Variants in RNF223 observed in about 807,000 individuals in gnomAD.
The protein encoded by RNF223 is ring finger protein 223.
A neutral mutation model predicts 13.9 loss-of-function variants in RNF223; 10 were observed. The ratio of observed to expected loss-of-function variants is 0.72; its 90% CI spans 0.44 to 1.22. RNF223 has a LOEUF of 1.22. Ranked by LOEUF, RNF223 falls within the 50% of genes most tolerant of loss-of-function variation. RNF223 has a pLI of 0.00. For synonymous variants in RNF223, 168 were observed against 173.3 expected (o/e 0.97, Z 0.24); for missense variants, 379 against 380.0 (o/e 1.00, Z 0.02).
intron 1 of RNF223, among the ~76,000 whole-genome samples, chr1:1,073,199 G>A (rs1645655422): frequency 6.6e-6 from 1 of 152,256 alleles, no homozygotes; most frequent in Non-Finnish European, 1.5e-5. Context: ...AGGCAGCTAT[G>A]TGAGGGTGGG....
chr1:1,072,038 G>A lies in RNF223; in HGVS notation c.529C>T (p.Pro177Ser). ...GCCAGGCGGCCCCGGCGGGGGGCAG[G>A]GTCCCGGGCGGGCGCGGGCGGCTCG... is the stretch of plus-strand genomic sequence containing the variant. ...PAEPPAPARD[P>S]APRRGRLARC... is the part of the protein sequence containing the mutation. The change falls in exon 2 of 2, where the codon CCT becomes TCT. Residue 177 changes from proline (P) to serine (S), a missense_variant. Transcript: ENST00000453464. 6.7e-7 allele frequency: 1 copy of A among 1,484,342 alleles called. No individual in the cohort carries two copies. The highest frequency in any genetic ancestry group is 8.9e-7 in the Non-Finnish European group (1 of 1,125,654). 91.9% of individuals were successfully genotyped at this position (1,484,342 alleles called of 1,614,324 possible).
At chr1:1,072,724 G>C in intron 1 of RNF223, 149 bp from the exon 2 acceptor site, 2 of 658,852 alleles carry the variant, frequency 3.0e-6, no homozygotes, top group Non-Finnish European at 5.0e-6. Flanking sequence ...TGCCCCTGGA[G>C]GTCATTCTGC....
rs71628928 is a variant in RNF223, at chr1:1,071,842, G to A, written c.725C>T (p.Pro242Leu). ...CTAATTATCAGTCAGAGGCCCGAGG[G>A]GGGAGGCGGCTGTGCTGGTGGCCGG... ...RPPATSTAAS[P>L]LGPLTDN is the part of the protein sequence containing the mutation. The change falls in exon 2 of 2, where the codon CCC becomes CTC. Residue 242 changes from proline (P) to leucine (L), a missense_variant. Physicochemically the swap from Pro to Leu is moderately conservative, Grantham distance 98 (BLOSUM62 -3). Transcript: ENST00000453464. The A allele has an allele frequency of 3.8e-4, 584 of 1,521,736 alleles. 9 individuals are homozygous for A. The South Asian group carries it at 5.8e-3, about 15-fold the overall frequency. The allele number at this position is 1,521,736 out of a possible 1,614,324, so 94.3% of individuals were successfully genotyped here.
rs1482128336 is a variant in RNF223 at position 1,071,817 on chromosome 1, C to T, written c.750G>A (p.Ter250=). 1 of 1,492,380 alleles carries T rather than the reference C, an allele frequency of 6.7e-7. No individual in the cohort carries two copies. The highest frequency in any genetic ancestry group is 8.9e-7 in the Non-Finnish European group (1 of 1,126,188). The allele number at this position is 1,492,380 out of a possible 1,614,324, so 92.4% of individuals were successfully genotyped here. A position where few individuals can be genotyped will look rare whatever the true frequency, so the allele number is the denominator to read the frequency against. ...ASPLGPLTDN[*] ...CTGACCTGGGCAGAGGCTGCTGGCC[C>T]TAATTATCAGTCAGAGGCCCGAGGG... The change falls in exon 2 of 2, where the codon TAG becomes TAA. Residue 250 remains the stop codon, a stop_retained_variant. Coordinates refer to ENST00000453464, the MANE Select transcript of RNF223 (RefSeq NM_001205252.2).
At chr1:1,072,652 C>A (rs961004312) in intron 1 of RNF223, 77 bp from the exon 2 acceptor site, 1 of 1,202,752 alleles carries the variant, frequency 8.3e-7, no homozygotes, top group Non-Finnish European at 1.1e-6. Flanking sequence ...TCCCCTCTCT[C>A]GCCCCAGAGA....
chr1:1,071,498 T>C lies in RNF223; in HGVS notation c.*319A>G. ...CCAGGCTGGTGTCAAAATCCCGACC[T>C]CAAGTGGTCTTTCTGCCTCAGCCCT... On this transcript the variant is annotated 3_prime_UTR_variant, in exon 2 of 2. Transcript: ENST00000453464. 1 of 251,060 alleles carries C rather than the reference T, an allele frequency of 4.0e-6. No individual in the cohort carries two copies. The allele number at this position is 251,060 out of a possible 1,614,324, so 15.6% of individuals were successfully genotyped here. A position where few individuals can be genotyped will look rare whatever the true frequency, so the allele number is the denominator to read the frequency against.
chr1:1,073,602 C>T (rs1410848244), intron 1 of RNF223, among the ~76,000 whole-genome samples: 1 of 152,182 alleles, frequency 6.6e-6, no homozygotes, highest in Non-Finnish European at 1.5e-5. Context: ...TGGGACCCTG[C>T]TCCACCTCCC....
intron 1 of RNF223, among the ~76,000 whole-genome samples, chr1:1,073,621 C>T (rs1225430422): frequency 2.0e-5 from 3 of 152,196 alleles, no homozygotes; most frequent in Non-Finnish European, 4.4e-5. Flanking sequence ...CCGCCCCTCC[C>T]CTGCACCCAG....
intron 1 of RNF223, 139 bp downstream of exon 1, chr1:1,073,877 C>A (rs992412093): frequency 6.6e-6 from 1 of 152,210 alleles, no homozygotes; most frequent in Non-Finnish European, 1.5e-5. Context: ...GCCCCAGGCA[C>A]CGGGACCTGG....
intron 1 of RNF223, among the ~76,000 whole-genome samples, chr1:1,072,978 C>T (rs1187624233): frequency 6.6e-6 from 1 of 152,236 alleles, no homozygotes; most frequent in Non-Finnish European, 1.5e-5. Context: ...AAGGCTGGGC[C>T]CACATCACGG....
intron 1 of RNF223, among the ~76,000 whole-genome samples, chr1:1,073,683 G>A (rs1163392667): frequency 1.3e-5 from 2 of 152,136 alleles, no homozygotes; most frequent in Non-Finnish European, 2.9e-5. Context: ...GTGGGCAAGG[G>A]TGACAGTGAG....
In RNF223 at chr1:1,073,998, G is replaced by C. The variant is rs1000097429; in HGVS notation, c.-10+18C>G. 2.6e-5 allele frequency: 4 copies of C among 152,318 alleles called. No individual in the cohort carries two copies. The highest frequency in any genetic ancestry group is 5.9e-5 in the Non-Finnish European group (4 of 68,142). The allele number at this position is 152,318 out of a possible 1,614,324, so 9.4% of individuals were successfully genotyped here. On this transcript the variant is annotated intron_variant, in intron 1 of 1. Transcript: ENST00000453464. ...GCCTGTGCAGGTAAGGGGTGAACACGGGCTGAGCTGGCCTTACCTGGTGGC... is the reference window on the plus strand; with the variant it reads ...GCCTGTGCAGGTAAGGGGTGAACACCGGCTGAGCTGGCCTTACCTGGTGGC...
chr1:1,071,865 C>CGGGGGCCGG lies in RNF223; in HGVS notation c.693_701dup (p.Arg232_Pro234dup). ...GGGGGGAGGCGGCTGTGCTGGTGGC[C>CGGGGGCCGG]GGGGGCCGGGGGGGCAGGGGCAGGC... On this transcript the variant is annotated inframe_insertion, in exon 2 of 2. Coordinates refer to ENST00000453464, the MANE Select transcript of RNF223 (RefSeq NM_001205252.2). The CGGGGGCCGG allele has an allele frequency of 7.8e-7, 1 of 1,276,318 alleles. No individual in the cohort carries two copies. The highest frequency in any genetic ancestry group is 1.1e-6 in the Non-Finnish European group (1 of 951,268). The allele number at this position is 1,276,318 out of a possible 1,614,324, so 79.1% of individuals were successfully genotyped here.
At chr1:1,072,775 GCACCGGGGTGAGCCTC>G in intron 1 of RNF223, among the ~76,000 whole-genome samples, 200 bp from the exon 2 acceptor site, 2 of 152,310 alleles carry the variant, frequency 1.3e-5, no homozygotes, top group Admixed American at 1.3e-4. Context: ...TCACATGGCT[GCACCGGGGTGAGCCTC>G]CCACAGGGCC....
Position 1,072,017 on chromosome 1 carries a change from G to T in RNF223, c.550C>A (p.Leu184Met). 6.7e-7 allele frequency: 1 copy of T among 1,494,658 alleles called. No individual in the cohort carries two copies. The highest frequency in any genetic ancestry group is 8.9e-7 in the Non-Finnish European group (1 of 1,129,890). The allele number at this position is 1,494,658 out of a possible 1,614,324, so 92.6% of individuals were successfully genotyped here. Reference protein sequence around the residue: ...ARDPAPRRGRLARCWARCRDW... With the variant: ...ARDPAPRRGRMARCWARCRDW... ...CTGCAGCGCGCCCAGCAGCGGGCCA[G>T]GCGGCCCCGGCGGGGGGCAGGGTCC... Residue 184 changes from leucine (L) to methionine (M), a missense_variant, in exon 2 of 2, where the codon CTG becomes ATG. Transcript: ENST00000453464.
intron 1 of RNF223, among the ~76,000 whole-genome samples, chr1:1,073,405 G>A (rs146861097): frequency 6.6e-6 from 1 of 152,324 alleles, no homozygotes; most frequent in Non-Finnish European, 1.5e-5. Flanking sequence ...GATAAGCCCA[G>A]CCATTCCCTC....
chr1:1,072,735 C>T (rs1645652038), intron 1 of RNF223, among the ~76,000 whole-genome samples, 160 bp from the exon 2 acceptor site: 1 of 152,184 alleles, frequency 6.6e-6, no homozygotes, highest in African/African-American at 2.4e-5. Context: ...GTCATTCTGC[C>T]CCACGTGCAA....
Position 1,072,068 on chromosome 1 carries a change from G to T in RNF223, c.499C>A (p.Pro167Thr), listed in dbSNP as rs540345782. ...FVCVDVGLSK[P>T]AEPPAPARDP... ...CGGGCGGGCGCGGGCGGCTCGGCAG[G>T]CTTGCTCAAACCCACGTCCACGCAT... Residue 167 changes from proline to threonine, a missense_variant, in exon 2 of 2, where the codon CCT becomes ACT. Coordinates refer to ENST00000453464, the MANE Select transcript of RNF223 (RefSeq NM_001205252.2). The T allele has an allele frequency of 1.9e-3, 2,836 of 1,499,664 alleles. 5 individuals carry two copies. Among genetic ancestry groups the T allele is most frequent in the Non-Finnish European group, 2.3e-3 (2,581 of 1,131,270 alleles). 92.9% of individuals were successfully genotyped at this position (1,499,664 alleles called of 1,614,324 possible). A position where few individuals can be genotyped will look rare whatever the true frequency, so the allele number is the denominator to read the frequency against.
rs2100727703 is a variant in RNF223 at position 1,071,711 on chromosome 1, T to C, written c.*106A>G. 1 of 1,036,722 alleles carries C rather than the reference T, an allele frequency of 9.6e-7. No homozygotes were observed. 64.2% of individuals were successfully genotyped at this position (1,036,722 alleles called of 1,614,324 possible). ...TCAGAGATGCCAGGCTCCTTTCGCGTCCTCGGGGACCGACTTCCAGTGGCT... is the reference window on the plus strand; with the variant it reads ...TCAGAGATGCCAGGCTCCTTTCGCGCCCTCGGGGACCGACTTCCAGTGGCT... On this transcript the variant is annotated 3_prime_UTR_variant, in exon 2 of 2. Transcript: ENST00000453464.
Sources: allele counts gnomAD v4.1 joint callset (sites outside exome capture counted in the v4.1 genomes callset), GRCh38; gene constraint gnomAD v4.1.1; transcripts MANE v1.5; gene names NCBI Gene and HGNC (gene_info 2026-07-23, HGNC 2026-07-21).